Variants in DMD observed in about 807,000 individuals in gnomAD.
DMD encodes the protein dystrophin, also known as mutant dystrophin.
A neutral mutation model predicts 330.1 loss-of-function variants in DMD; 63 were observed. The ratio of observed to expected loss-of-function variants is 0.19; its 90% confidence interval spans 0.16 to 0.24. The LOEUF is 0.24. DMD is among the 10% of genes least tolerant of loss of function. The pLI is 1.00. For missense variants in DMD, 3,344 were observed against 2,684.1 expected (o/e 1.25, Z -5.43); for synonymous variants, 1,223 against 959.8 (o/e 1.27, Z -5.07).
At chrX:32,785,504 A>G (rs2075272093) in intron 7 of DMD, among the ~76,000 whole-genome samples, 1 of 111,473 alleles carries the variant, frequency 9.0e-6, no homozygotes, top group Admixed American at 9.6e-5. Context: ...TAACGTGAAG[A>G]AGGCTAGGTA....
At chrX:32,863,668 T>TA (rs2082264889) in intron 2 of DMD, among the ~76,000 whole-genome samples, 1 of 110,152 alleles carries the variant, frequency 9.1e-6, no homozygotes, top group African/African-American at 3.3e-5. Flanking sequence ...AGAAAAGTGA[T>TA]ATTTAGGCTT....
chrX:32,810,666 A>G (rs912556419), intron 6 of DMD, among the ~76,000 whole-genome samples: 1 of 112,032 alleles, frequency 8.9e-6, no homozygotes, highest in East Asian at 2.8e-4. Context: ...TTTATCTTGC[A>G]TGAATTATCA....
chrX:32,038,402 A>G (rs1231356716), intron 44 of DMD, among the ~76,000 whole-genome samples: 1 of 111,648 alleles, frequency 9.0e-6, no homozygotes, highest in Non-Finnish European at 1.9e-5. Context: ...GGAAAACAGG[A>G]GTTGGCGGGT....
chrX:32,154,996 T>C (rs994485885), intron 44 of DMD, among the ~76,000 whole-genome samples: 1 of 110,392 alleles, frequency 9.1e-6, no homozygotes, highest in Non-Finnish European at 1.9e-5. Context: ...TAGGAAGACT[T>C]CAAAAGCTGG....
At chrX:33,082,000 T>C (rs1448202765) in intron 1 of DMD, among the ~76,000 whole-genome samples, 1 of 108,014 alleles carries the variant, frequency 9.3e-6, no homozygotes, top group Non-Finnish European at 1.9e-5. Flanking sequence ...CTGTGGTGCC[T>C]CCTCTGTTTT....
intron 33 of DMD, among the ~76,000 whole-genome samples, chrX:32,381,681 G>A (rs1354591763): frequency 9.0e-6 from 1 of 111,583 alleles, no homozygotes; most frequent in African/African-American, 3.2e-5. Flanking sequence ...ATGAAGACTT[G>A]CAAATCGTTA....
intron 64 of DMD, among the ~76,000 whole-genome samples, chrX:31,222,495 G>A (rs956371111): frequency 3.7e-5 from 4 of 109,508 alleles, no homozygotes; most frequent in Non-Finnish European, 7.6e-5. Context: ...CAATAGTAGA[G>A]TTATACATAA....
intron 9 of DMD, among the ~76,000 whole-genome samples, chrX:32,686,174 G>A (rs1045103288): frequency 9.0e-5 from 10 of 111,497 alleles, no homozygotes; most frequent in African/African-American, 3.3e-4. Flanking sequence ...TGTAGATAAA[G>A]ACCACAATAT....
At chrX:31,304,590 T>C (rs1355813779) in intron 62 of DMD, among the ~76,000 whole-genome samples, 2 of 103,890 alleles carry the variant, frequency 1.9e-5, no homozygotes, top group African/African-American at 3.7e-5. Context: ...AGTTCCTTTA[T>C]TTTGTGAGCA....
chrX:33,034,039 T>C (rs1250163403), intron 1 of DMD, among the ~76,000 whole-genome samples: 1 of 111,516 alleles, frequency 9.0e-6, no homozygotes, highest in East Asian at 2.8e-4. Flanking sequence ...TGGTTATCTA[T>C]ATATACATAT....
intron 55 of DMD, among the ~76,000 whole-genome samples, chrX:31,581,862 G>A (rs754168201): frequency 8.9e-6 from 1 of 111,875 alleles, no homozygotes; most frequent in African/African-American, 3.2e-5. Context: ...GATGTTGACC[G>A]TAAATTTCTT....
chrX:32,068,215 T>C (rs934695386), intron 44 of DMD, among the ~76,000 whole-genome samples: 3 of 111,394 alleles, frequency 2.7e-5, no homozygotes, highest in African/African-American at 9.8e-5. Context: ...GATTTTTGTT[T>C]GTTCAATTGT....
At chrX:31,209,790 T>C in intron 64 of DMD, 91 bp from the exon 65 acceptor site, 1 of 864,825 alleles carries the variant, frequency 1.2e-6, no homozygotes, top group East Asian at 3.4e-5. Flanking sequence ...GCTAGGACTC[T>C]CTCATACCCT....
At position 32,497,178 on chromosome X, in the gene DMD, C is replaced by T. The variant is rs1167559528; in HGVS notation, c.2380+4577G>A. On this transcript the variant is annotated intron_variant, in intron 19 of 78. Transcript: ENST00000357033. Reference sequence around the variant, plus strand: ...TGAAATTATCTAATGAGCTATGAACCAAAATACAAGAAAAAAAGATAGTTA... The same window carrying T: ...TGAAATTATCTAATGAGCTATGAACTAAAATACAAGAAAAAAAGATAGTTA... Among the ~76,000 whole-genome samples the T allele has an allele frequency of 4.5e-5, 5 of 111,045 alleles. No individual in the cohort carries two copies. In the East Asian group the frequency reaches 1.4e-3, roughly 31 times the overall value.
intron 55 of DMD, among the ~76,000 whole-genome samples, chrX:31,528,642 G>C (rs894112480): frequency 1.8e-5 from 2 of 112,015 alleles, no homozygotes; most frequent in Non-Finnish European, 3.8e-5. Flanking sequence ...CGCTCCCTTC[G>C]CCCATTCTGC....
At chrX:32,248,147 G>A (rs1489081134) in intron 43 of DMD, among the ~76,000 whole-genome samples, 1 of 111,557 alleles carries the variant, frequency 9.0e-6, no homozygotes, top group East Asian at 2.8e-4. Context: ...GAAAGATTAA[G>A]GAAGGATATT....
At chrX:32,414,738 C>G (rs10521996) in intron 29 of DMD, among the ~76,000 whole-genome samples, 32,352 of 111,065 alleles carry the variant, frequency 0.29, 5,632 homozygotes, top group African/African-American at 0.66. Context: ...ATCTTTTGGA[C>G]AATAAATCTA....
chrX:31,892,744 C>T (rs2094274364), intron 47 of DMD, among the ~76,000 whole-genome samples: 1 of 111,481 alleles, frequency 9.0e-6, no homozygotes, highest in Non-Finnish European at 1.9e-5. Flanking sequence ...CTAAACATAC[C>T]TAAACATAGA....
chrX:32,390,167 A>G lies in DMD; in HGVS notation c.4248T>C (p.Asp1416=), dbSNP rs374513637. 2 of 1,197,782 alleles carry G rather than the reference A, an allele frequency of 1.7e-6. No individual in the cohort carries two copies. The highest frequency in any genetic ancestry group is 2.3e-6 in the Non-Finnish European group (2 of 882,929). Residue 1416 remains aspartate (D), a synonymous_variant, in exon 31 of 79, where the codon GAT becomes GAC. Coordinates refer to ENST00000357033, the MANE Select transcript of DMD (RefSeq NM_004006.3). ...CTAAACTGATCTCATGACTTGTCAAATCAGATTGGATTTTCTGTTGGGAGG... is the reference window on the plus strand; with the variant it reads ...CTAAACTGATCTCATGACTTGTCAAGTCAGATTGGATTTTCTGTTGGGAGG... ...MPQEAQKIQS[D]LTSHEISLEE...
Sources: gnomAD v4.1 joint callset for allele counts (sites outside exome capture counted in the v4.1 genomes callset) on GRCh38, gnomAD v4.1.1 for gene constraint, MANE v1.5 for transcripts, NCBI Gene and HGNC (gene_info 2026-07-23, HGNC 2026-07-21) for gene names.